The following PDE4D variants were observed in gnomAD, a reference collection of about 807,000 sequenced individuals.
PDE4D encodes the protein phosphodiesterase 4D.
In PDE4D, 24 loss-of-function variants were observed where a neutral mutation model predicts 87.4. That is an observed-to-expected ratio of 0.27 (90% CI 0.20 to 0.39). The LOEUF (loss-of-function observed/expected upper bound fraction) is 0.39, where lower values mean the gene tolerates loss of function less well. PDE4D is among the 10% of genes least tolerant of loss of function. The pLI, the probability that PDE4D is intolerant of heterozygous loss-of-function variation, is 1.00. For missense variants in PDE4D, 714 were observed against 1,041.0 expected, an observed-to-expected ratio of 0.69 and a Z score of 4.32; for synonymous variants, 384 against 383.2, an observed-to-expected ratio of 1.00 and a Z score of -0.02.
At chr5:59,277,394 G>C (rs977583994) in intron 1 of PDE4D, among the ~76,000 whole-genome samples, 3 of 152,118 alleles carry the variant, frequency 2.0e-5, no homozygotes, top group African/African-American at 7.2e-5. Context: ...CCCATGTCTA[G>C]TATATTGCTG....
chr5:60,238,797 T>A (rs1025937711), intron 1 of PDE4D, among the ~76,000 whole-genome samples: 3 of 152,054 alleles, frequency 2.0e-5, no homozygotes, highest in African/African-American at 2.4e-5. Flanking sequence ...TGAAGTTTTT[T>A]AAAAATGTTG....
In PDE4D at chr5:60,378,562, G is replaced by GA. The variant is rs201433244; in HGVS notation, c.-90+109379dup. On this transcript the variant is annotated intron_variant, in intron 1 of 16. Coordinates refer to the PDE4D transcript ENST00000502484. ...AAACATAAGTAAAATACTTTTAAAA[G>GA]AAAAAAAAGGGCCAGGCATGGTGGC... Among the ~76,000 whole-genome samples the GA allele has an allele frequency of 3.7e-4, 56 of 151,652 alleles. 1 individual carries two copies. The East Asian group carries it at 0.01, about 28-fold the overall frequency.
intron 1 of PDE4D, among the ~76,000 whole-genome samples, chr5:60,197,078 T>TACAGAC (rs1562208468): frequency 5.3e-4 from 22 of 41,172 alleles, no homozygotes; most frequent in African/African-American, 1.5e-3. Flanking sequence ...GATAGACAGT[T>TACAGAC]AGATAGATAG....
chr5:59,607,318 G>A (rs1205385483), intron 1 of PDE4D, among the ~76,000 whole-genome samples: 6 of 152,104 alleles, frequency 3.9e-5, no homozygotes, highest in Non-Finnish European at 2.9e-5. Context: ...CACTGACTGA[G>A]TGCCCAGCAT....
chr5:59,123,332 A>G (rs1396907257), intron 5 of PDE4D, among the ~76,000 whole-genome samples: 1 of 152,110 alleles, frequency 6.6e-6, no homozygotes, highest in African/African-American at 2.4e-5. Context: ...TTCTTTATTT[A>G]ATTTTCTATC....
At chr5:59,758,525 GT>G (rs1168518392) in intron 1 of PDE4D, among the ~76,000 whole-genome samples, 1 of 152,090 alleles carries the variant, frequency 6.6e-6, no homozygotes, top group Non-Finnish European at 1.5e-5. Context: ...TGATTTTTCT[GT>G]TTTGCTTATT....
chr5:59,450,535 C>A (rs1421585637), intron 1 of PDE4D, among the ~76,000 whole-genome samples: 1 of 152,100 alleles, frequency 6.6e-6, no homozygotes, highest in Admixed American at 6.6e-5. Flanking sequence ...ACAACTTTAA[C>A]CCAAACACTG....
intron 1 of PDE4D, among the ~76,000 whole-genome samples, chr5:59,416,791 T>C (rs1341241795): frequency 1.3e-5 from 2 of 152,170 alleles, no homozygotes; most frequent in Non-Finnish European, 2.9e-5. Context: ...TGTAGTGCTT[T>C]TTCCATTTTC....
intron 2 of PDE4D, among the ~76,000 whole-genome samples, chr5:60,073,843 T>C (rs1033952927): frequency 6.6e-6 from 1 of 152,146 alleles, no homozygotes; most frequent in Admixed American, 6.6e-5. Flanking sequence ...TCTCTGATGG[T>C]TATTTGTATT....
At chr5:59,541,907 T>C (rs979611431) in intron 1 of PDE4D, among the ~76,000 whole-genome samples, 1 of 152,164 alleles carries the variant, frequency 6.6e-6, no homozygotes, top group Non-Finnish European at 1.5e-5. Context: ...GGCTTCTGCA[T>C]GATCTACTCT....
At chr5:60,284,027 G>A (rs1562287406) in intron 1 of PDE4D, among the ~76,000 whole-genome samples, 1 of 152,128 alleles carries the variant, frequency 6.6e-6, no homozygotes, top group East Asian at 1.9e-4. Flanking sequence ...GTAGCACAGT[G>A]AACGGAAAGA....
chr5:59,105,274 G>T (rs537557102), intron 5 of PDE4D, among the ~76,000 whole-genome samples: 2 of 152,158 alleles, frequency 1.3e-5, no homozygotes, highest in Non-Finnish European at 2.9e-5. Context: ...TTTGTAAACT[G>T]AATTTTTCCA....
chr5:59,564,595 C>T (rs994759222), intron 1 of PDE4D, among the ~76,000 whole-genome samples: 8 of 152,110 alleles, frequency 5.3e-5, no homozygotes, highest in Non-Finnish European at 1.2e-4. Context: ...TCTGCATATC[C>T]AAACAAGCAC....
intron 3 of PDE4D, among the ~76,000 whole-genome samples, chr5:59,191,427 G>A (rs1744277769): frequency 6.6e-6 from 1 of 151,594 alleles, no homozygotes; most frequent in South Asian, 2.1e-4. Context: ...TAGATCATTT[G>A]GTTAGAAACA....
chr5:59,896,797 G>C (rs1455605418), upstream of PDE4D, among the ~76,000 whole-genome samples: 1 of 152,160 alleles, frequency 6.6e-6, no homozygotes, highest in Non-Finnish European at 1.5e-5. Context: ...TATTACTCTA[G>C]TTGCCTCTAT....
rs895326779 is a variant in PDE4D at position 58,972,283 on chromosome 5, T to C, written c.*2381A>G. 1.3e-5 allele frequency: 2 copies of C among 152,590 alleles called. No homozygotes were observed. The highest frequency in any genetic ancestry group is 4.8e-5 in the African/African-American group (2 of 41,456). The allele number at this position is 152,590 out of a possible 1,614,324, so 9.5% of individuals were successfully genotyped here. A position where few individuals can be genotyped will look rare whatever the true frequency, so the allele number is the denominator to read the frequency against. ...TCCCAAATATTCTTGTGAAACTACT[T>C]GGTCAAACATACGTCTTTATTTTTT... On this transcript the variant is annotated 3_prime_UTR_variant, in exon 15 of 15. Coordinates refer to ENST00000340635, the MANE Select transcript of PDE4D (RefSeq NM_001104631.2).
intron 1 of PDE4D, among the ~76,000 whole-genome samples, chr5:59,312,066 G>T (rs1467579083): frequency 6.6e-6 from 1 of 152,106 alleles, no homozygotes; most frequent in Non-Finnish European, 1.5e-5. Context: ...CTTTGGAATT[G>T]GCCCCACTTT....
intron 8 of PDE4D, 60 bp from the exon 9 acceptor site, chr5:58,990,962 A>C: frequency 4.3e-6 from 4 of 920,044 alleles, no homozygotes; most frequent in Non-Finnish European, 6.7e-6. Flanking sequence ...AATATGACTC[A>C]ATGAACACAA....
intron 1 of PDE4D, among the ~76,000 whole-genome samples, chr5:60,257,934 T>C (rs1749267526): frequency 6.6e-6 from 1 of 151,924 alleles, no homozygotes; most frequent in Admixed American, 6.6e-5. Context: ...ACTTAACATC[T>C]AGGAAAGCAA....
Sources: allele counts gnomAD v4.1 joint callset (sites outside exome capture counted in the v4.1 genomes callset), GRCh38; gene constraint gnomAD v4.1.1; transcripts MANE v1.5; gene names NCBI Gene and HGNC (gene_info 2026-07-23, HGNC 2026-07-21).